SI: variants seen among roughly 807,000 people sequenced by gnomAD.
SI encodes the protein sucrase-isomaltase, also known as sucrase-isomaltase, intestinal.
SI carries 235 observed loss-of-function variants against 253.3 expected under a neutral mutation model. The observed-to-expected ratio is 0.93, with a 90% CI of 0.83 to 1.03. The LOEUF (loss-of-function observed/expected upper bound fraction) is 1.03. SI is among the 50% of genes least tolerant of loss of function. The pLI, the probability that SI is intolerant of heterozygous loss-of-function variation, is 0.00. For missense variants in SI, 2,442 were observed against 2,211.1 expected, an observed-to-expected ratio of 1.10 and a Z score of -2.09; for synonymous variants, 819 against 712.0, an observed-to-expected ratio of 1.15 and a Z score of -2.39.
intron 9 of SI, among the ~76,000 whole-genome samples, chr3:165,060,455 TTC>T (rs1308414250): frequency 6.6e-6 from 1 of 151,948 alleles, no homozygotes; most frequent in Non-Finnish European, 1.5e-5. Flanking sequence ...AGTACAGAAT[TTC>T]TGTTTCCTTA....
rs2108156136 is a variant in SI at position 165,007,494 on chromosome 3, A to C, written c.4267+417T>G. Among the ~76,000 whole-genome samples, 2 of 152,142 alleles carry C rather than the reference A, an allele frequency of 1.3e-5. 1 individual carries two copies. Among genetic ancestry groups the C allele is most frequent in the South Asian group, 4.1e-4 (2 of 4,826 alleles). On this transcript the variant is annotated intron_variant, in intron 36 of 47. Coordinates refer to ENST00000264382, the MANE Select transcript of SI (RefSeq NM_001041.4). ...TAGCATTCTTTCCCTTATCCTTAGT[A>C]AAGAAACACTTCTAAAAACTTCCTT...
rs1559987352 is a variant in SI at position 165,009,409 on chromosome 3, A to C, written c.4063-14T>G. On this transcript the variant is annotated splice_polypyrimidine_tract_variant and intron_variant, in intron 34 of 47. Coordinates refer to ENST00000264382, the MANE Select transcript of SI (RefSeq NM_001041.4). ...AGCTCTGGAAGCCTGTAAAACCAAA[A>C]TTTAGGCTCACATGTGGAAAGTCTT... 3 of 1,439,734 alleles carry C rather than the reference A, an allele frequency of 2.1e-6. No homozygotes were observed. The highest frequency in any genetic ancestry group is 2.9e-6 in the Non-Finnish European group (3 of 1,021,086). 89.2% of individuals were successfully genotyped at this position (1,439,734 alleles called of 1,614,324 possible).
intron 46 of SI, 140 bp from the exon 47 acceptor site, chr3:164,982,550 C>T (rs41273563): frequency 0.16 from 108,154 of 672,872 alleles, 14,405 homozygotes; most frequent in African/African-American, 0.57. Flanking sequence ...AGGTATTTTA[C>T]ATAATAAACA....
chr3:165,066,302 G>A (rs1318601039), intron 6 of SI, among the ~76,000 whole-genome samples: 1 of 151,882 alleles, frequency 6.6e-6, no homozygotes, highest in African/African-American at 2.4e-5. Flanking sequence ...CAGTGGGGGA[G>A]TGGGGATTAT....
chr3:165,011,277 C>T (rs1718755583), intron 34 of SI, among the ~76,000 whole-genome samples: 1 of 152,014 alleles, frequency 6.6e-6, no homozygotes, highest in African/African-American at 2.4e-5. Context: ...GCTTTTGCTG[C>T]ATCCCAGAAG....
chr3:165,073,288 A>T (rs1157142153), intron 3 of SI, among the ~76,000 whole-genome samples: 1 of 151,102 alleles, frequency 6.6e-6, no homozygotes, highest in East Asian at 2.0e-4. Context: ...CCAGGCTGGA[A>T]TACAGTGACG....
rs563943336 is a variant in SI at position 165,039,825 on chromosome 3, T to C, written c.2244+62A>G. The stretch of plus-strand genomic sequence containing the variant: ...CATCTATTATTCAGATGTTTTGTAA[T>C]GTAGGGTCGATTTAGTTATACAAAG... On this transcript the variant is annotated intron_variant, in intron 19 of 47. Coordinates refer to ENST00000264382, the MANE Select transcript of SI (RefSeq NM_001041.4). 21 of 1,098,580 alleles carry C rather than the reference T, an allele frequency of 1.9e-5. No homozygotes were observed. The African/African-American group carries it at 2.3e-4, about 12-fold the overall frequency. 68.1% of individuals were successfully genotyped at this position (1,098,580 alleles called of 1,614,324 possible).
chr3:165,083,910 G>T, the SI span, among the ~76,000 whole-genome samples: 1 of 151,932 alleles, frequency 6.6e-6, no homozygotes. Flanking sequence ...TTTCACTCAT[G>T]CTTTGTTGTT....
the SI span, among the ~76,000 whole-genome samples, chr3:165,085,596 G>A: frequency 1.5e-4 from 23 of 151,998 alleles, no homozygotes; most frequent in Admixed American, 1.0e-3. Flanking sequence ...CTAACCTATC[G>A]GTATGTTAAA....
chr3:165,026,747 G>A (rs1711944039), intron 25 of SI, among the ~76,000 whole-genome samples: 3 of 151,108 alleles, frequency 2.0e-5, no homozygotes, highest in Non-Finnish European at 4.5e-5. Flanking sequence ...AAATCAAGTT[G>A]AAAATTTAAA....
chr3:164,979,489 T>A, intron 47 of SI, 59 bp from the exon 48 acceptor site: 1 of 966,626 alleles, frequency 1.0e-6, no homozygotes, highest in Non-Finnish European at 1.7e-6. Context: ...CTTATTTTCA[T>A]GAATGCTATT....
intron 38 of SI, among the ~76,000 whole-genome samples, chr3:164,997,241 A>T (rs1323303931): frequency 6.6e-6 from 1 of 151,752 alleles, no homozygotes; most frequent in Non-Finnish European, 1.5e-5. Flanking sequence ...TACAATGAAT[A>T]TGATTTCTGA....
In SI at chr3:164,991,422, G is replaced by T. The variant is rs770710847; in HGVS notation, c.5039C>A (p.Thr1680Lys). Residue 1680 changes from threonine (T) to lysine (K), a missense_variant, in exon 44 of 48, where the codon ACA (threonine) becomes AAA (lysine). Thr to Lys is a moderately conservative substitution (Grantham distance 78). Transcript: ENST00000264382. ...QFQTFNASYD[T>K]INLHVRGGHI... Reference sequence around the variant, plus strand: ...ACCACCACGGACATGTAGGTTTATTGTGTCATAAGAAGCATTAAATGTTTG... The same window carrying T: ...ACCACCACGGACATGTAGGTTTATTTTGTCATAAGAAGCATTAAATGTTTG... 7 of 1,613,412 alleles carry T rather than the reference G, an allele frequency of 4.3e-6. No individual in the cohort carries two copies. The East Asian group carries it at 1.6e-4, about 36-fold the overall frequency.
At chr3:164,984,219 T>C (rs1397765290) in intron 45 of SI, among the ~76,000 whole-genome samples, 3 of 152,082 alleles carry the variant, frequency 2.0e-5, no homozygotes, top group Non-Finnish European at 4.4e-5. Context: ...AAAAGAAGTA[T>C]TGGGGTAACA....
intron 34 of SI, among the ~76,000 whole-genome samples, chr3:165,010,237 G>A (rs1718708812): frequency 6.6e-6 from 1 of 151,930 alleles, no homozygotes; most frequent in Non-Finnish European, 1.5e-5. Flanking sequence ...TCGGCTCACT[G>A]CAACCTCTGT....
At chr3:164,999,483 T>A (rs1365669137) in intron 37 of SI, among the ~76,000 whole-genome samples, 1 of 151,728 alleles carries the variant, frequency 6.6e-6, no homozygotes, top group African/African-American at 2.4e-5. Flanking sequence ...ATTTTATTTT[T>A]ATATTACTCA....
At chr3:165,028,332 A>T (rs781619421) in intron 25 of SI, among the ~76,000 whole-genome samples, 7 of 151,448 alleles carry the variant, frequency 4.6e-5, no homozygotes, top group Non-Finnish European at 8.9e-5. Context: ...TCATGGATGG[A>T]TAGAAAGAAT....
intron 45 of SI, 60 bp downstream of exon 45, chr3:164,987,078 T>G: frequency 4.7e-6 from 6 of 1,275,344 alleles, no homozygotes; most frequent in Non-Finnish European, 6.9e-6. Context: ...ATAGATAACG[T>G]AAAAGTAATG....
chr3:164,979,523 G>T, intron 47 of SI, 93 bp from the exon 48 acceptor site: 1 of 684,410 alleles, frequency 1.5e-6, no homozygotes. Context: ...CTAATAAATA[G>T]TATATACCTT....
Sources: gnomAD v4.1 joint callset for allele counts (sites outside exome capture counted in the v4.1 genomes callset) on GRCh38, gnomAD v4.1.1 for gene constraint, MANE v1.5 for transcripts, NCBI Gene and HGNC (gene_info 2026-07-23, HGNC 2026-07-21) for gene names.